The following KLKB1 variants were observed in gnomAD, a reference collection of about 807,000 sequenced individuals.
The protein encoded by KLKB1 is kallikrein B1, also known as plasma kallikrein.
In KLKB1, 58 loss-of-function variants were observed where a neutral mutation model predicts 73.6. The observed-to-expected ratio is 0.79, with a 90% CI of 0.64 to 0.98. The LOEUF (loss-of-function observed/expected upper bound fraction) is 0.98. Among genes scored for constraint, KLKB1 ranks in the 50% least tolerant of loss-of-function variants. KLKB1 has a pLI of 0.00. For synonymous variants in KLKB1, 280 were observed against 258.1 expected, an observed-to-expected ratio of 1.08 and a Z score of -0.81; for missense variants, 737 against 763.8, an observed-to-expected ratio of 0.96 and a Z score of 0.41.
intron 8 of KLKB1, 40 bp downstream of exon 8, chr4:186,251,368 T>G: frequency 6.6e-7 from 1 of 1,520,252 alleles, no homozygotes; most frequent in Non-Finnish European, 9.1e-7. Flanking sequence ...AAATGTAACC[T>G]ATTTCATGAC....
intron 13 of KLKB1, 110 bp downstream of exon 13, chr4:186,256,197 T>G (rs1267062469): frequency 2.7e-6 from 2 of 731,240 alleles, no homozygotes; most frequent in Non-Finnish European, 5.0e-6. Flanking sequence ...AAACTCTTTA[T>G]CTTTCCTATC....
chr4:186,251,824 T>A lies in KLKB1; in HGVS notation c.1107T>A (p.Gly369=). The stretch of plus-strand genomic sequence containing the variant: ...CGTATGGGACACAAGGGAGCTCTGG[T>A]TACTCTTTGAGATTGTGTAACACTG... ...RIAYGTQGSS[G]YSLRLCNTGD... Residue 369 remains glycine (G), a synonymous_variant, in exon 10 of 15, where the codon GGT becomes GGA. Transcript: ENST00000264690. The A allele has an allele frequency of 6.2e-7, 1 of 1,614,000 alleles. No homozygotes were observed. Among genetic ancestry groups the A allele is most frequent in the Non-Finnish European group, 8.5e-7 (1 of 1,179,956 alleles).
intron 6 of KLKB1, among the ~76,000 whole-genome samples, chr4:186,240,759 G>A (rs944302384): frequency 6.6e-5 from 10 of 152,156 alleles, no homozygotes; most frequent in South Asian, 4.1e-4. Flanking sequence ...GTGTGTGCCA[G>A]GTTCACGTGT....
At position 186,251,751 on chromosome 4, in the gene KLKB1, G is replaced by A; in HGVS notation, c.1034G>A (p.Cys345Tyr). The change falls in exon 10 of 15, where the codon TGT becomes TAT. Residue 345 changes from cysteine (C) to tyrosine (Y), a missense_variant and splice_region_variant. Cys to Tyr is a radical substitution (Grantham distance 194, BLOSUM62 -2). Coordinates refer to ENST00000264690, the MANE Select transcript of KLKB1 (RefSeq NM_000892.5). ...TTTCTACTGTTCATTTCATCTAGGT[G>A]TAAGTGTTTCTTAAGATTATCTATG... ...LLPEDCKEEK[C>Y]KCFLRLSMDG... is the part of the protein sequence containing the mutation. 1.2e-6 allele frequency: 2 copies of A among 1,611,994 alleles called. No homozygotes were observed. Among genetic ancestry groups the A allele is most frequent in the Non-Finnish European group, 1.7e-6 (2 of 1,178,038 alleles).
At chr4:186,239,496 C>A (rs1425365201) in intron 6 of KLKB1, among the ~76,000 whole-genome samples, 1 of 133,894 alleles carries the variant, frequency 7.5e-6, no homozygotes, top group Non-Finnish European at 1.6e-5. Context: ...TACAGTGATA[C>A]TGTTATAGGT....
chr4:186,254,741 C>T lies in KLKB1; in HGVS notation c.1467C>T (p.Leu489=), dbSNP rs1254360380. Residue 489 remains leucine, a synonymous_variant, in exon 12 of 15, where the codon CTC becomes CTT. Coordinates refer to ENST00000264690, the MANE Select transcript of KLKB1 (RefSeq NM_000892.5). ...ATCATGATATCGCCTTGATAAAACT[C>T]CAGGCTCCTTTGAATTACACTGGTA... ...EGNHDIALIK[L]QAPLNYTEFQ... 1.2e-6 allele frequency: 2 copies of T among 1,613,690 alleles called. No individual in the cohort carries two copies. The highest frequency in any genetic ancestry group is 1.7e-5 in the Admixed American group (1 of 60,020).
At chr4:186,213,648 G>C (rs145076026) in intron 2 of KLKB1, among the ~76,000 whole-genome samples, 97 of 152,302 alleles carry the variant, frequency 6.4e-4, no homozygotes, top group African/African-American at 2.2e-3. Flanking sequence ...GGCATCACTG[G>C]TCCCAGGGAT....
Position 186,232,983 on chromosome 4 carries a change from C to T in KLKB1, c.221+694C>T, listed in dbSNP as rs192790184. 2.6e-5 allele frequency among the ~76,000 whole-genome samples: 4 copies of T among 152,232 alleles called. No homozygotes were observed. In the East Asian group the frequency reaches 5.8e-4, roughly 22 times the overall value. The stretch of plus-strand genomic sequence containing the variant: ...AGGCTGGAGTGCAGTGGCGTGATCT[C>T]GGCTCACTGCAACTTCCACCTCCCA... On this transcript the variant is annotated intron_variant, in intron 3 of 14. Transcript: ENST00000264690.
upstream of KLKB1, among the ~76,000 whole-genome samples, chr4:186,223,882 G>A (rs1186545493): frequency 6.6e-6 from 1 of 152,210 alleles, no homozygotes; most frequent in Non-Finnish European, 1.5e-5. Flanking sequence ...GCATTTCAGA[G>A]GTCTTCAAGG....
chr4:186,222,653 T>C (rs1737056341), upstream of KLKB1, among the ~76,000 whole-genome samples: 1 of 152,266 alleles, frequency 6.6e-6, no homozygotes. Flanking sequence ...ACTTTTGTTT[T>C]TTAACTTTTA....
intron 6 of KLKB1, among the ~76,000 whole-genome samples, chr4:186,243,332 G>C (rs1738155194): frequency 1.3e-5 from 2 of 152,170 alleles, no homozygotes; most frequent in African/African-American, 4.8e-5. Context: ...GAATAGAATG[G>C]GCCTGTGAGG....
In KLKB1 at chr4:186,236,905, A is replaced by G. The variant is rs768364619; in HGVS notation, c.453A>G (p.Ser151=). Residue 151 remains serine, a synonymous_variant, in exon 5 of 15, where the codon TCA becomes TCG. Transcript: ENST00000264690. ...GTAACATTCGCTGCCAGTTTTTTTC[A>G]TATGCCACGCAAACATTTCACAAGG... ...CTSNIRCQFF[S]YATQTFHKAE... 6 of 1,614,008 alleles carry G rather than the reference A, an allele frequency of 3.7e-6. No individual in the cohort carries two copies. In the African/African-American group the frequency reaches 8.0e-5, roughly 22 times the overall value.
At chr4:186,240,076 C>T (rs537350157) in intron 6 of KLKB1, among the ~76,000 whole-genome samples, 1 of 150,138 alleles carries the variant, frequency 6.7e-6, no homozygotes, top group South Asian at 2.1e-4. Context: ...TTATAGGAAA[C>T]TAGTACAGTG....
chr4:186,231,398 A>T lies in KLKB1; in HGVS notation c.59-729A>T, dbSNP rs149080348. On this transcript the variant is annotated intron_variant, in intron 2 of 14. Coordinates refer to ENST00000264690, the MANE Select transcript of KLKB1 (RefSeq NM_000892.5). ...TCTCTAATAATATGTGGGGTGCAGT[A>T]TATTTTAGAGCTGGGAATAATTCCA... 2.2e-4 allele frequency among the ~76,000 whole-genome samples: 34 copies of T among 152,386 alleles called. No homozygotes were observed. The East Asian group carries it at 6.2e-3, about 28-fold the overall frequency.
chr4:186,225,423 C>CTT (rs35336018), upstream of KLKB1, among the ~76,000 whole-genome samples: 2 of 106,684 alleles, frequency 1.9e-5, no homozygotes, highest in African/African-American at 3.7e-5. Context: ...GTGAGGATTT[C>CTT]TTTTTTTTTT....
chr4:186,234,333 C>T (rs180767125), intron 4 of KLKB1, among the ~76,000 whole-genome samples: 3 of 152,252 alleles, frequency 2.0e-5, no homozygotes, highest in Admixed American at 1.3e-4. Context: ...AATTGTGTCT[C>T]GTTTCCAGAT....
chr4:186,234,720 G>A (rs1330275464), intron 4 of KLKB1, among the ~76,000 whole-genome samples: 1 of 152,184 alleles, frequency 6.6e-6, no homozygotes, highest in Non-Finnish European at 1.5e-5. Flanking sequence ...TGAGGACTAG[G>A]ATGCTAGAGA....
intron 4 of KLKB1, 75 bp from the exon 5 acceptor site, chr4:186,236,705 CA>C (rs1431429928): frequency 1.4e-6 from 2 of 1,468,942 alleles, no homozygotes; most frequent in African/African-American, 2.8e-5. Context: ...ACTACCAACC[CA>C]AATGGTAGTG....
At chr4:186,248,619 CTT>C (rs1738511139) in intron 6 of KLKB1, among the ~76,000 whole-genome samples, 21 of 78,982 alleles carry the variant, frequency 2.7e-4, no homozygotes, top group African/African-American at 9.2e-4. Context: ...TTTTTTGCCT[CTT>C]ATGAATAATG....
Sources: gnomAD v4.1 joint callset for allele counts (sites outside exome capture counted in the v4.1 genomes callset) on GRCh38, gnomAD v4.1.1 for gene constraint, MANE v1.5 for transcripts, NCBI Gene and HGNC (gene_info 2026-07-23, HGNC 2026-07-21) for gene names.